Variants in DCLK1 observed in about 807,000 individuals in gnomAD.
The protein encoded by DCLK1 is serine/threonine-protein kinase DCLK1.
DCLK1 carries 16 observed loss-of-function variants against 86.2 expected under a neutral mutation model. That is an observed-to-expected ratio of 0.19 (90% confidence interval 0.13 to 0.28). The LOEUF is 0.28. Ranked by LOEUF, DCLK1 falls within the 10% of genes least tolerant of loss-of-function variation. The pLI is 1.00. For missense variants in DCLK1, 590 were observed against 940.2 expected (o/e 0.63, Z 4.87); for synonymous variants, 369 against 370.5 (o/e 1.00, Z 0.05).
intron 3 of DCLK1, among the ~76,000 whole-genome samples, chr13:36,015,451 A>G (rs1414474642): frequency 2.6e-5 from 4 of 152,318 alleles, no homozygotes; most frequent in South Asian, 4.1e-4. Context: ...GGTGTCTGGC[A>G]TAGAGCTTTG....
chr13:35,803,990 A>G (rs889805839), intron 15 of DCLK1, among the ~76,000 whole-genome samples: 3 of 152,202 alleles, frequency 2.0e-5, no homozygotes, highest in African/African-American at 4.8e-5. Flanking sequence ...TTACCATAGA[A>G]ACTAGATTAC....
intron 4 of DCLK1, among the ~76,000 whole-genome samples, chr13:35,918,278 A>C (rs945759936): frequency 2.0e-5 from 3 of 152,222 alleles, no homozygotes; most frequent in Admixed American, 2.0e-4. Flanking sequence ...GTTTGTAATA[A>C]AAGGAACATA....
At chr13:36,125,686 T>G in intron 2 of DCLK1, 76 bp downstream of exon 2, 1 of 1,527,826 alleles carries the variant, frequency 6.5e-7, no homozygotes, top group South Asian at 1.3e-5. Flanking sequence ...AGAGGGCAAA[T>G]GCGAATCGGC....
chr13:36,111,800 G>A, intron 3 of DCLK1, 69 bp downstream of exon 3: 1 of 1,412,446 alleles, frequency 7.1e-7, no homozygotes, highest in Non-Finnish European at 9.7e-7. Flanking sequence ...GTATGCTTTA[G>A]CCACGTACAC....
At chr13:35,805,521 A>T in intron 15 of DCLK1, 178 bp downstream of exon 15, 3 of 546,926 alleles carry the variant, frequency 5.5e-6, no homozygotes, top group Non-Finnish European at 9.5e-6. Context: ...CTGTCCTCGA[A>T]CTCCTGAGCT....
intron 3 of DCLK1, among the ~76,000 whole-genome samples, chr13:35,952,620 C>A (rs1040708349): frequency 1.3e-5 from 2 of 152,244 alleles, no homozygotes; most frequent in East Asian, 3.9e-4. Context: ...GAAATATCTC[C>A]ACTGCAAAAG....
chr13:35,975,005 G>A (rs1879261919), intron 3 of DCLK1, among the ~76,000 whole-genome samples: 1 of 152,216 alleles, frequency 6.6e-6, no homozygotes, highest in South Asian at 2.1e-4. Context: ...TGAGGCAGGT[G>A]CCATTTCCAT....
At chr13:36,097,575 T>C (rs1428943389) in intron 3 of DCLK1, among the ~76,000 whole-genome samples, 1 of 152,154 alleles carries the variant, frequency 6.6e-6, no homozygotes, top group Non-Finnish European at 1.5e-5. Context: ...AAAATTACTC[T>C]AAATGGATTA....
At chr13:35,969,192 T>G (rs1878943474) in intron 3 of DCLK1, among the ~76,000 whole-genome samples, 1 of 152,174 alleles carries the variant, frequency 6.6e-6, no homozygotes, top group Non-Finnish European at 1.5e-5. Context: ...TCCACTGGTA[T>G]GTAATGGGTT....
intron 2 of DCLK1, among the ~76,000 whole-genome samples, chr13:36,116,141 G>A (rs761351646): frequency 2.6e-5 from 4 of 151,596 alleles, no homozygotes; most frequent in Non-Finnish European, 4.4e-5. Flanking sequence ...GTAGAGACAG[G>A]ATTTCATCAT....
intron 4 of DCLK1, among the ~76,000 whole-genome samples, chr13:35,944,953 G>A (rs2153132715): frequency 6.6e-6 from 1 of 152,238 alleles, no homozygotes; most frequent in South Asian, 2.1e-4. Flanking sequence ...CCAGGCTGGA[G>A]TGCAATGGTG....
intron 5 of DCLK1, among the ~76,000 whole-genome samples, chr13:35,858,783 C>G (rs774425820): frequency 6.6e-5 from 10 of 152,232 alleles, no homozygotes; most frequent in Non-Finnish European, 1.2e-4. Context: ...AAATGAAACT[C>G]AAGTGCCAGA....
intron 8 of DCLK1, among the ~76,000 whole-genome samples, chr13:35,835,740 T>C (rs548586563): frequency 6.6e-6 from 1 of 152,280 alleles, no homozygotes; most frequent in Admixed American, 6.5e-5. Flanking sequence ...GAAAAACTAT[T>C]CAATATGGTT....
In DCLK1 at chr13:35,943,808, G is replaced by A. The variant is rs191997169; in HGVS notation, c.823+3550C>T. Among the ~76,000 whole-genome samples the A allele has an allele frequency of 8.5e-5, 13 of 152,198 alleles. 1 individual carries two copies. The highest frequency in any genetic ancestry group is 2.2e-4 in the African/African-American group (9 of 41,520). ...TTAAATGGCTACGGATTACAAATTC[G>A]TCCATTTGTCATCAACATAGAAGCA... On this transcript the variant is annotated intron_variant, in intron 4 of 16. Transcript: ENST00000360631.
intron 3 of DCLK1, among the ~76,000 whole-genome samples, chr13:35,983,154 C>A (rs370219356): frequency 2.6e-5 from 4 of 152,022 alleles, no homozygotes; most frequent in East Asian, 1.9e-4. Flanking sequence ...GAGACAGGGT[C>A]TCACTGTTTT....
In DCLK1 at chr13:36,062,721, A is replaced by G. The variant is rs144209382; in HGVS notation, c.723+49148T>C. Among the ~76,000 whole-genome samples the G allele has an allele frequency of 5.9e-3, 902 of 152,320 alleles. 10 individuals are homozygous for G. The highest frequency in any genetic ancestry group is 0.02 in the African/African-American group (852 of 41,574). ...ATGCAAACTGTGATGTTTCAAATTA[A>G]AAAGCAAGAGAGAAGAGAACTGACC... On this transcript the variant is annotated intron_variant, in intron 3 of 16. Transcript: ENST00000360631.
chr13:35,969,159 A>C (rs1287802570), intron 3 of DCLK1, among the ~76,000 whole-genome samples: 2 of 152,206 alleles, frequency 1.3e-5, no homozygotes, highest in Non-Finnish European at 2.9e-5. Flanking sequence ...AGGACATATA[A>C]TGTGAGTGTC....
chr13:36,127,009 A>G (rs997102362), intron 1 of DCLK1, among the ~76,000 whole-genome samples: 3 of 152,216 alleles, frequency 2.0e-5, no homozygotes, highest in Non-Finnish European at 4.4e-5. Context: ...TAATCCTGGT[A>G]GCAGGAAGAA....
chr13:35,821,643 T>G (rs764826883), intron 11 of DCLK1, among the ~76,000 whole-genome samples: 13 of 146,974 alleles, frequency 8.8e-5, no homozygotes, highest in African/African-American at 3.3e-4. Context: ...AACTAGCATC[T>G]TTGGGAAAAG....
Sources: allele counts gnomAD v4.1 joint callset (sites outside exome capture counted in the v4.1 genomes callset), GRCh38; gene constraint gnomAD v4.1.1; transcripts MANE v1.5; gene names NCBI Gene and HGNC (gene_info 2026-07-23, HGNC 2026-07-21).